Variants in RTN4 observed in about 807,000 individuals in gnomAD.
RTN4 encodes the protein reticulon 4.
RTN4 carries 32 observed loss-of-function variants against 90.4 expected under a neutral mutation model. That is an observed-to-expected ratio of 0.35 (90% CI 0.27 to 0.48). The LOEUF is 0.48. RTN4 is among the 20% of genes least tolerant of loss of function. The probability of loss-of-function intolerance (pLI) is 0.99; values close to 1 mark genes in which losing one functional copy is unlikely to be tolerated. For missense variants in RTN4, 1,706 were observed against 1,430.2 expected, an observed-to-expected ratio of 1.19 and a Z score of -3.11; for synonymous variants, 629 against 552.5, an observed-to-expected ratio of 1.14 and a Z score of -1.94.
chr2:54,974,819 A>T, intron 5 of RTN4, 55 bp from the exon 6 acceptor site: 3 of 1,488,088 alleles, frequency 2.0e-6, no homozygotes, highest in Non-Finnish European at 2.8e-6. Flanking sequence ...AAGTTTCTTA[A>T]TTATGCTTTC....
intron 2 of RTN4, among the ~76,000 whole-genome samples, chr2:55,059,478 G>A (rs1044955494): frequency 2.0e-5 from 3 of 151,798 alleles, no homozygotes; most frequent in African/African-American, 4.8e-5. Context: ...CTCAGCCTCC[G>A]GAGTAGATGG....
chr2:54,995,240 TA>T (rs1233226952), intron 3 of RTN4, among the ~76,000 whole-genome samples: 584 of 134,310 alleles, frequency 4.3e-3, no homozygotes, highest in Admixed American at 3.9e-3. Flanking sequence ...ACCCTATCTC[TA>T]AAAAAAAAAA....
chr2:55,031,097 C>G (rs1303349727), intron 1 of RTN4, among the ~76,000 whole-genome samples: 1 of 152,140 alleles, frequency 6.6e-6, no homozygotes, highest in African/African-American at 2.4e-5. Context: ...AATTACAATA[C>G]TACAAAAAAC....
At chr2:55,060,209 C>G (rs969387003) in intron 2 of RTN4, among the ~76,000 whole-genome samples, 2 of 152,166 alleles carry the variant, frequency 1.3e-5, no homozygotes, top group Non-Finnish European at 2.9e-5. Context: ...ATTTTTATTA[C>G]AAAAAGCTAA....
chr2:55,136,180 T>C, the RTN4 span, among the ~76,000 whole-genome samples: 2 of 149,950 alleles, frequency 1.3e-5, no homozygotes, highest in Non-Finnish European at 2.9e-5. Context: ...GGCTCAAGCA[T>C]GTACACTAAG....
intron 2 of RTN4, among the ~76,000 whole-genome samples, chr2:55,061,416 ATAT>A (rs974090644): frequency 3.0e-4 from 45 of 152,172 alleles, no homozygotes; most frequent in African/African-American, 1.1e-3. Context: ...CCTTAATAGC[ATAT>A]TATATTTGAA....
chr2:55,055,789 A>C (rs919929819), upstream of RTN4, among the ~76,000 whole-genome samples: 2 of 150,796 alleles, frequency 1.3e-5, no homozygotes, highest in Non-Finnish European at 3.0e-5. Context: ...AACAAAAAAA[A>C]CAAAAACAAA....
rs766961310 is a variant in RTN4, at chr2:54,973,140, ATTAT to A, written c.*12_*15del. 1.3e-6 allele frequency: 2 copies of A among 1,599,460 alleles called. No individual in the cohort carries two copies. The highest frequency in any genetic ancestry group is 3.3e-5 in the Admixed American group (2 of 59,812). The stretch of plus-strand genomic sequence containing the variant: ...CCCCTTTAAAGATGAACTCCTACTA[ATTAT>A]TTTGGGCGTTTTCATTCAGCTTTGC... On this transcript the variant is annotated 3_prime_UTR_variant, in exon 9 of 9. Coordinates refer to ENST00000337526, the MANE Select transcript of RTN4 (RefSeq NM_020532.5).
At chr2:55,004,682 G>C (rs1680081330) in intron 3 of RTN4, among the ~76,000 whole-genome samples, 2 of 152,104 alleles carry the variant, frequency 1.3e-5, no homozygotes, top group African/African-American at 4.8e-5. Flanking sequence ...GGAGTTCTCA[G>C]CCTTTTCCTT....
chr2:55,074,017 C>A (rs1450106699), intron 2 of RTN4, among the ~76,000 whole-genome samples: 1 of 152,198 alleles, frequency 6.6e-6, no homozygotes, highest in Non-Finnish European at 1.5e-5. Context: ...AAACAGCTCA[C>A]TTGCCCAACC....
At chr2:55,118,780 T>C in the RTN4 span, among the ~76,000 whole-genome samples, 1 of 152,218 alleles carries the variant, frequency 6.6e-6, no homozygotes, top group Admixed American at 6.5e-5. Context: ...TGCTCTCTAA[T>C]GCAGATGAGG....
intron 3 of RTN4, among the ~76,000 whole-genome samples, chr2:55,021,939 A>G (rs1053087349): frequency 6.6e-6 from 1 of 152,242 alleles, no homozygotes; most frequent in Non-Finnish European, 1.5e-5. Flanking sequence ...AAGGCAGGAA[A>G]TAACAATTTT....
At chr2:54,997,312 C>T (rs910700137) in intron 3 of RTN4, among the ~76,000 whole-genome samples, 3 of 152,110 alleles carry the variant, frequency 2.0e-5, no homozygotes, top group Admixed American at 6.5e-5. Flanking sequence ...TGAGATACCA[C>T]TTCATACCCC....
At chr2:54,997,357 A>T (rs151218963) in intron 3 of RTN4, among the ~76,000 whole-genome samples, 211 of 152,322 alleles carry the variant, frequency 1.4e-3, no homozygotes, top group African/African-American at 4.8e-3. Flanking sequence ...TGAGCAATAA[A>T]AAGTGTTAAC....
intron 4 of RTN4, among the ~76,000 whole-genome samples, chr2:54,984,487 T>C (rs1241578409): frequency 6.6e-6 from 1 of 152,258 alleles, no homozygotes; most frequent in Non-Finnish European, 1.5e-5. Flanking sequence ...AAGTGGCTGA[T>C]ATAACCCTGG....
At chr2:55,005,231 T>C (rs1164928359) in intron 3 of RTN4, among the ~76,000 whole-genome samples, 1 of 151,992 alleles carries the variant, frequency 6.6e-6, no homozygotes, top group Non-Finnish European at 1.5e-5. Flanking sequence ...TTTGGAAGAG[T>C]AATTTTAATT....
At chr2:55,128,513 G>C in the RTN4 span, among the ~76,000 whole-genome samples, 1 of 152,074 alleles carries the variant, frequency 6.6e-6, no homozygotes, top group Non-Finnish European at 1.5e-5. Context: ...AGGCCTACCA[G>C]ATTCTGTCCC....
At chr2:54,973,743 G>T (rs1179934399) in intron 7 of RTN4, 78 bp downstream of exon 7, 1 of 1,505,560 alleles carries the variant, frequency 6.6e-7, no homozygotes, top group Non-Finnish European at 9.2e-7. Flanking sequence ...CATTGAAAAT[G>T]GGCACTAATA....
chr2:55,014,823 G>A (rs778034011), intron 3 of RTN4, among the ~76,000 whole-genome samples: 1 of 151,954 alleles, frequency 6.6e-6, no homozygotes, highest in Non-Finnish European at 1.5e-5. Context: ...CCTCAAGCAC[G>A]CATTTTTAAA....
Sources: gnomAD v4.1 joint callset for allele counts (sites outside exome capture counted in the v4.1 genomes callset) on GRCh38, gnomAD v4.1.1 for gene constraint, MANE v1.5 for transcripts, NCBI Gene and HGNC (gene_info 2026-07-23, HGNC 2026-07-21) for gene names.